The following MARK1 variants were observed in gnomAD, a reference collection of about 807,000 sequenced individuals.
MARK1 encodes microtubule affinity regulating kinase 1.
In MARK1, 40 loss-of-function variants were observed where a neutral mutation model predicts 96.3. The ratio of observed to expected loss-of-function variants is 0.42; its 90% CI spans 0.32 to 0.54. MARK1 has a LOEUF of 0.54. MARK1 is among the 20% of genes least tolerant of loss of function. The pLI is 0.16. For missense variants in MARK1, 719 were observed against 984.6 expected (o/e 0.73, Z 3.61); for synonymous variants, 317 against 341.2 (o/e 0.93, Z 0.78).
At chr1:220,576,217 A>G (rs935201372) in intron 1 of MARK1, among the ~76,000 whole-genome samples, 1 of 151,620 alleles carries the variant, frequency 6.6e-6, no homozygotes, top group Non-Finnish European at 1.5e-5. Context: ...ATGATTTCTC[A>G]TGAGTCAGAG....
chr1:220,590,400 C>G (rs1664909898), intron 3 of MARK1, among the ~76,000 whole-genome samples: 1 of 152,144 alleles, frequency 6.6e-6, no homozygotes. Context: ...GGTTTGGTTT[C>G]TCCTGAGTTC....
chr1:220,662,828 C>T lies in MARK1; in HGVS notation c.*662C>T, dbSNP rs1669549031. ...TTTTTAAATTCAAGTACATGAAATT[C>T]AGTAATAGCATTGCCTTGAGCTAAC... On this transcript the variant is annotated 3_prime_UTR_variant, in exon 18 of 18. Coordinates refer to ENST00000366917, the MANE Select transcript of MARK1 (RefSeq NM_018650.5). The T allele has an allele frequency of 6.6e-6, 1 of 152,450 alleles. No homozygotes were observed. Among genetic ancestry groups the T allele is most frequent in the Admixed American group, 6.6e-5 (1 of 15,258 alleles). 9.4% of individuals were successfully genotyped at this position (152,450 alleles called of 1,614,324 possible).
chr1:220,647,456 T>G (rs577023576), intron 13 of MARK1, among the ~76,000 whole-genome samples: 19 of 152,322 alleles, frequency 1.2e-4, no homozygotes, highest in South Asian at 1.2e-3. Context: ...GAATGTAAAT[T>G]AGTTCAACCA....
Position 220,635,924 on chromosome 1 carries a change from T to C in MARK1, c.1368T>C (p.Asp456=), listed in dbSNP as rs779286342. ...ESEQKEEWDK[D]VARKLGSTTV... ...AACAGAAAGAGGAGTGGGACAAAGA[T>C]GTGGCTCGAAAACTTGGCAGCACAA... The change falls in exon 13 of 18, where the codon GAT becomes GAC. Residue 456 remains aspartate (D), a synonymous_variant. Transcript: ENST00000366917. 4.3e-6 allele frequency: 7 copies of C among 1,613,980 alleles called. No homozygotes were observed. In the African/African-American group the frequency reaches 6.7e-5, roughly 15 times the overall value.
chr1:220,555,125 C>T (rs1662157441), intron 1 of MARK1, among the ~76,000 whole-genome samples: 1 of 152,128 alleles, frequency 6.6e-6, no homozygotes, highest in Non-Finnish European at 1.5e-5. Context: ...GTGAACTGGA[C>T]CCAGTCCAAA....
intron 13 of MARK1, among the ~76,000 whole-genome samples, chr1:220,644,616 A>G (rs1040405786): frequency 3.3e-5 from 5 of 152,276 alleles, no homozygotes; most frequent in African/African-American, 1.2e-4. Flanking sequence ...ACCCCAGAAC[A>G]GCAGAATATA....
chr1:220,659,334 G>A (rs192894972), intron 17 of MARK1, among the ~76,000 whole-genome samples: 2 of 152,238 alleles, frequency 1.3e-5, no homozygotes, highest in East Asian at 3.9e-4. Context: ...GCTATAATAA[G>A]GTTCTGTCAT....
At chr1:220,590,798 C>T (rs1443808273) in intron 3 of MARK1, among the ~76,000 whole-genome samples, 2 of 152,164 alleles carry the variant, frequency 1.3e-5, no homozygotes, top group African/African-American at 2.4e-5. Context: ...CCCAAACCCA[C>T]GCACATCTTC....
chr1:220,564,821 A>C (rs1207447227), intron 1 of MARK1, among the ~76,000 whole-genome samples: 1 of 152,216 alleles, frequency 6.6e-6, no homozygotes, highest in Non-Finnish European at 1.5e-5. Context: ...GTAATGTTGA[A>C]GTGTAGGGAC....
At chr1:220,616,019 T>TA (rs749289124) in intron 7 of MARK1, 24 bp downstream of exon 7, 7,180 of 1,141,034 alleles carry the variant, frequency 6.3e-3, no homozygotes, top group Non-Finnish European at 7.2e-3. Context: ...TGTAATTTTT[T>TA]TAAAAAAAAA....
intron 1 of MARK1, among the ~76,000 whole-genome samples, chr1:220,548,910 G>T (rs987567327): frequency 6.6e-6 from 1 of 152,184 alleles, no homozygotes; most frequent in Non-Finnish European, 1.5e-5. Flanking sequence ...GATAATTTAG[G>T]TAAGTGTTTT....
intron 3 of MARK1, among the ~76,000 whole-genome samples, chr1:220,597,882 T>A (rs1665483512): frequency 6.6e-6 from 1 of 152,204 alleles, no homozygotes; most frequent in Non-Finnish European, 1.5e-5. Flanking sequence ...CCTTACTGAA[T>A]CTTTCATTAA....
intron 1 of MARK1, among the ~76,000 whole-genome samples, chr1:220,541,507 T>C (rs1434543146): frequency 6.6e-6 from 1 of 152,202 alleles, no homozygotes; most frequent in Admixed American, 6.5e-5. Context: ...CATTATCGAA[T>C]GTAGGGTATT....
chr1:220,579,766 G>A (rs183886493), intron 2 of MARK1, among the ~76,000 whole-genome samples: 35 of 152,276 alleles, frequency 2.3e-4, no homozygotes, highest in African/African-American at 7.7e-4. Context: ...CTATATATTA[G>A]CATCTCATAA....
At chr1:220,598,210 C>A in intron 3 of MARK1, 121 bp from the exon 4 acceptor site, 1 of 369,884 alleles carries the variant, frequency 2.7e-6, no homozygotes, top group Non-Finnish European at 5.5e-6. Flanking sequence ...TGTTTCAATG[C>A]ATTGCCAGAA....
At chr1:220,631,206 G>T in intron 10 of MARK1, 72 bp downstream of exon 10, 2 of 893,378 alleles carry the variant, frequency 2.2e-6, no homozygotes, top group Non-Finnish European at 3.5e-6. Context: ...TGCCAAAATA[G>T]TGTTTAAGAG....
intron 3 of MARK1, among the ~76,000 whole-genome samples, chr1:220,582,131 C>T (rs1250052893): frequency 6.6e-6 from 1 of 152,176 alleles, no homozygotes; most frequent in Non-Finnish European, 1.5e-5. Context: ...TCTCATTTGG[C>T]TCAGTCCCAG....
At chr1:220,557,344 G>A (rs1176084433) in intron 1 of MARK1, among the ~76,000 whole-genome samples, 1 of 152,158 alleles carries the variant, frequency 6.6e-6, no homozygotes, top group Non-Finnish European at 1.5e-5. Flanking sequence ...GGAGGCCAAG[G>A]CGGGCGGATC....
intron 9 of MARK1, chr1:220,628,203 C>G (rs1445047268): frequency 6.6e-6 from 1 of 152,196 alleles, no homozygotes; most frequent in African/African-American, 2.4e-5. Flanking sequence ...CTCCTGTAAC[C>G]AACTGAACCT....
Sources: gnomAD v4.1 joint callset for allele counts (sites outside exome capture counted in the v4.1 genomes callset) on GRCh38, gnomAD v4.1.1 for gene constraint, MANE v1.5 for transcripts, NCBI Gene and HGNC (gene_info 2026-07-23, HGNC 2026-07-21) for gene names.